Variants in ARHGAP22 observed in about 807,000 individuals in gnomAD.
ARHGAP22 encodes the protein rho GTPase-activating protein 22.
In ARHGAP22, 48 loss-of-function variants were observed where a neutral mutation model predicts 59.1. The observed-to-expected ratio is 0.81, with a 90% CI of 0.64 to 1.03. ARHGAP22 has a LOEUF of 1.03. Among genes scored for constraint, ARHGAP22 ranks in the 50% least tolerant of loss-of-function variants. The probability of loss-of-function intolerance (pLI) is 0.00; values close to 1 mark genes in which losing one functional copy is unlikely to be tolerated. For missense variants in ARHGAP22, 1,015 were observed against 958.7 expected, an observed-to-expected ratio of 1.06 and a Z score of -0.78; for synonymous variants, 445 against 416.4, an observed-to-expected ratio of 1.07 and a Z score of -0.84.
chr10:48,602,437 G>A (rs1373745975), intron 1 of ARHGAP22, among the ~76,000 whole-genome samples: 3 of 151,494 alleles, frequency 2.0e-5, no homozygotes, highest in Non-Finnish European at 4.4e-5. Flanking sequence ...ATATATACGA[G>A]TTAAAAACAG....
intron 5 of ARHGAP22, among the ~76,000 whole-genome samples, chr10:48,457,432 A>G (rs2046651907): frequency 6.6e-6 from 1 of 152,050 alleles, no homozygotes; most frequent in East Asian, 1.9e-4. Context: ...TTTACTTGTT[A>G]TCTGTCAAGA....
intron 1 of ARHGAP22, among the ~76,000 whole-genome samples, chr10:48,591,265 G>A (rs891686658): frequency 2.0e-5 from 3 of 152,210 alleles, no homozygotes; most frequent in African/African-American, 7.2e-5. Context: ...AACCCTGGGT[G>A]TAGGCAAATG....
chr10:48,571,219 A>G (rs1683299195), intron 2 of ARHGAP22, among the ~76,000 whole-genome samples: 1 of 152,128 alleles, frequency 6.6e-6, no homozygotes, highest in South Asian at 2.1e-4. Context: ...GGAGCCCGCT[A>G]CCACCCAGTA....
At chr10:48,627,798 T>C (rs2136075401) in intron 1 of ARHGAP22, among the ~76,000 whole-genome samples, 1 of 152,364 alleles carries the variant, frequency 6.6e-6, no homozygotes, top group South Asian at 2.1e-4. Context: ...GGGCCCGGCC[T>C]CTGGTGTGGC....
At chr10:48,637,860 G>A (rs1400084428) in intron 1 of ARHGAP22, among the ~76,000 whole-genome samples, 1 of 152,158 alleles carries the variant, frequency 6.6e-6, no homozygotes, top group Non-Finnish European at 1.5e-5. Context: ...CCTCCTCGCT[G>A]CTAAAGCCAG....
intron 2 of ARHGAP22, among the ~76,000 whole-genome samples, chr10:48,559,297 G>A (rs761921297): frequency 2.2e-4 from 34 of 152,004 alleles, no homozygotes; most frequent in Non-Finnish European, 4.9e-4. Context: ...ACAAATGTTG[G>A]GCCCTTTCCC....
At chr10:48,599,968 TGTGCAGCACTAGATTTGGGAGG>T (rs1008839443) in intron 1 of ARHGAP22, among the ~76,000 whole-genome samples, 1 of 152,224 alleles carries the variant, frequency 6.6e-6, no homozygotes, top group African/African-American at 2.4e-5. Flanking sequence ...CATCTGCCTC[TGTGCAGCACTAGATTTGGGAGG>T]GAGGCTTCTC....
chr10:48,540,849 C>G (rs189928623), intron 3 of ARHGAP22, among the ~76,000 whole-genome samples: 1 of 151,984 alleles, frequency 6.6e-6, no homozygotes, highest in Non-Finnish European at 1.5e-5. Flanking sequence ...TTAAAAGCAG[C>G]GCTTTGGAGC....
In ARHGAP22 at chr10:48,632,009, G is replaced by T. The variant is rs185301246; in HGVS notation, c.52+20225C>A. Among the ~76,000 whole-genome samples, 5 of 152,206 alleles carry T rather than the reference G, an allele frequency of 3.3e-5. No individual in the cohort carries two copies. The East Asian group carries it at 9.6e-4, about 29-fold the overall frequency. ...TTTCAATACTTTTGGGGTACAGGTG[G>T]TTTTGGTTACATGGATGAATTCTAT... is the stretch of plus-strand genomic sequence containing the variant. On this transcript the variant is annotated intron_variant, in intron 1 of 9. Coordinates refer to the ARHGAP22 transcript ENST00000435790.
At chr10:48,434,814 C>T in the ARHGAP22 span, 1 of 1,359,412 alleles carries the variant, frequency 7.4e-7, no homozygotes, top group Non-Finnish European at 9.9e-7. Context: ...TGGAGGCAGT[C>T]AGTGCAGTGC....
intron 1 of ARHGAP22, among the ~76,000 whole-genome samples, chr10:48,598,288 G>T (rs1038830711): frequency 4.6e-5 from 7 of 152,314 alleles, no homozygotes; most frequent in Middle Eastern, 3.4e-3. Context: ...GGTACAAACA[G>T]CCACCTTCAT....
chr10:48,437,259 A>C, the ARHGAP22 span: 2 of 152,230 alleles, frequency 1.3e-5, no homozygotes, highest in African/African-American at 4.8e-5. Flanking sequence ...CTAGGTTTTA[A>C]ATTACTACAT....
chr10:48,521,715 CT>C (rs895784935), intron 3 of ARHGAP22, among the ~76,000 whole-genome samples: 3 of 152,368 alleles, frequency 2.0e-5, no homozygotes, highest in African/African-American at 4.8e-5. Flanking sequence ...CACAGACATA[CT>C]GTGTTACTGC....
intron 1 of ARHGAP22, among the ~76,000 whole-genome samples, chr10:48,647,518 C>T (rs1056818088): frequency 1.1e-4 from 17 of 152,142 alleles, no homozygotes; most frequent in African/African-American, 3.6e-4. Flanking sequence ...ACTTTACACC[C>T]GCTAGGATAG....
chr10:48,433,395 A>C, the ARHGAP22 span, among the ~76,000 whole-genome samples: 4 of 152,354 alleles, frequency 2.6e-5, no homozygotes, highest in Non-Finnish European at 4.4e-5. Context: ...ATTGTGTACT[A>C]TGTATGGTAC....
chr10:48,599,346 A>C (rs111898772), intron 1 of ARHGAP22, among the ~76,000 whole-genome samples: 3,466 of 152,324 alleles, frequency 0.023, 116 homozygotes, highest in East Asian at 0.13. Flanking sequence ...TGGAGGACAC[A>C]AGTAAAGTCA....
chr10:48,450,454 CGCTGCTGCTGGG>C lies in ARHGAP22; in HGVS notation c.1663_1674del (p.Pro555_Ser558del). ...TCCAGGTCCAGGGACTTGGGGTCCT[CGCTGCTGCTGGG>C]GAGCGGGGAGGGCTCCAGGGCCCAG... On this transcript the variant is annotated inframe_deletion, in exon 9 of 10. Coordinates refer to ENST00000249601, the MANE Select transcript of ARHGAP22 (RefSeq NM_021226.4). 1 of 1,550,896 alleles carries C rather than the reference CGCTGCTGCTGGG, an allele frequency of 6.4e-7. No individual in the cohort carries two copies. The highest frequency in any genetic ancestry group is 8.7e-7 in the Non-Finnish European group (1 of 1,147,188).
intron 4 of ARHGAP22, among the ~76,000 whole-genome samples, chr10:48,477,745 G>A (rs762495013): frequency 6.6e-6 from 1 of 152,174 alleles, no homozygotes; most frequent in African/African-American, 2.4e-5. Context: ...TTGTGCGCAG[G>A]AGCCTATGTT....
At chr10:48,475,819 T>C (rs1007023604) in intron 4 of ARHGAP22, among the ~76,000 whole-genome samples, 3 of 152,166 alleles carry the variant, frequency 2.0e-5, no homozygotes, top group Non-Finnish European at 4.4e-5. Context: ...CTGCCACTTC[T>C]CTATTCCATG....
Sources: gnomAD v4.1 joint callset for allele counts (sites outside exome capture counted in the v4.1 genomes callset) on GRCh38, gnomAD v4.1.1 for gene constraint, MANE v1.5 for transcripts, NCBI Gene and HGNC (gene_info 2026-07-23, HGNC 2026-07-21) for gene names.